Variants in MYLK observed in about 807,000 individuals in gnomAD.
MYLK encodes myosin light chain kinase.
MYLK carries 106 observed loss-of-function variants against 203.4 expected under a neutral mutation model. The observed-to-expected ratio is 0.52, with a 90% confidence interval of 0.45 to 0.61. MYLK has a LOEUF of 0.61. Among genes scored for constraint, MYLK ranks in the 20% least tolerant of loss-of-function variants. MYLK has a pLI of 0.00. For synonymous variants in MYLK, 867 were observed against 959.5 expected, an observed-to-expected ratio of 0.90 and a Z score of 1.78; for missense variants, 2,072 against 2,442.3, an observed-to-expected ratio of 0.85 and a Z score of 3.20.
At chr3:123,614,875 T>C (rs921703016) in intron 33 of MYLK, among the ~76,000 whole-genome samples, 1 of 151,908 alleles carries the variant, frequency 6.6e-6, no homozygotes, top group Non-Finnish European at 1.5e-5. Context: ...GGCATGAACA[T>C]GGCTCACTGC....
At chr3:123,810,863 T>A (rs1326990033) in intron 3 of MYLK, among the ~76,000 whole-genome samples, 1 of 152,226 alleles carries the variant, frequency 6.6e-6, no homozygotes, top group Non-Finnish European at 1.5e-5. Context: ...ACAACTGATT[T>A]TTGCCATCTG....
chr3:123,813,776 G>A (rs2065644795), intron 3 of MYLK, among the ~76,000 whole-genome samples: 1 of 152,160 alleles, frequency 6.6e-6, no homozygotes, highest in Non-Finnish European at 1.5e-5. Context: ...CTCCCAAAGT[G>A]CTGGGATTAC....
intron 19 of MYLK, among the ~76,000 whole-genome samples, chr3:123,686,198 C>A (rs59608322): frequency 1.3e-5 from 2 of 152,070 alleles, no homozygotes; most frequent in East Asian, 3.9e-4. Context: ...ATTTCTAGAT[C>A]TAGGCCCCCA....
chr3:123,698,583 G>A (rs946174395), intron 18 of MYLK, among the ~76,000 whole-genome samples: 1 of 152,194 alleles, frequency 6.6e-6, no homozygotes, highest in African/African-American at 2.4e-5. Context: ...CCTCAGGGGA[G>A]GGGGGCTGAG....
At chr3:123,738,238 ACCTAGAAC>A (rs898461523) in intron 7 of MYLK, among the ~76,000 whole-genome samples, 3 of 152,080 alleles carry the variant, frequency 2.0e-5, no homozygotes, top group Non-Finnish European at 4.4e-5. Context: ...GTGGCTTAAC[ACCTAGAAC>A]CCTAACTTCA....
intron 4 of MYLK, among the ~76,000 whole-genome samples, chr3:123,766,014 T>C (rs1027748631): frequency 1.3e-5 from 2 of 152,202 alleles, no homozygotes; most frequent in Admixed American, 6.5e-5. Flanking sequence ...TGTGCAACAA[T>C]GTGAATGTAC....
At position 123,648,510 on chromosome 3, in the gene MYLK, T is replaced by C. The variant is rs2059100184; in HGVS notation, c.4415+461A>G. 6.6e-6 allele frequency among the ~76,000 whole-genome samples: 1 copy of C among 152,214 alleles called. No individual in the cohort carries two copies. The highest frequency in any genetic ancestry group is 6.5e-5 in the Admixed American group (1 of 15,284). ...TATTGTTTTTAAGTTCCAGGGTACA[T>C]GTGCAGGATGTGTACGTTACGTAGG... On this transcript the variant is annotated intron_variant, in intron 26 of 33. Transcript: ENST00000360304. This position sits in a 1 kb window ranked among gnomAD's most constrained non-coding sequence, Gnocchi z 4.5.
chr3:123,752,658 C>T, intron 4 of MYLK, 120 bp from the exon 5 acceptor site: 9 of 1,001,156 alleles, frequency 9.0e-6, no homozygotes, highest in Non-Finnish European at 1.4e-5. Context: ...GCCCCCATTT[C>T]ATCCTCATTT....
chr3:123,753,555 T>G lies in MYLK; in HGVS notation c.166-1017A>C, dbSNP rs111540096. ...CAGTGGTGCAATCATCTGAGTTTCA[T>G]AGCAACCCAGTCAGAGAGAAGACAT... On this transcript the variant is annotated intron_variant, in intron 4 of 33. Transcript: ENST00000360304. 6.5e-3 allele frequency among the ~76,000 whole-genome samples: 990 copies of G among 151,268 alleles called. 15 individuals carry two copies. The highest frequency in any genetic ancestry group is 0.023 in the African/African-American group (946 of 41,192).
At chr3:123,822,068 C>T (rs1197981556) in intron 3 of MYLK, among the ~76,000 whole-genome samples, 1 of 152,168 alleles carries the variant, frequency 6.6e-6, no homozygotes, top group African/African-American at 2.4e-5. Flanking sequence ...CTCTCTTATT[C>T]TCTCTTGTCC....
intron 2 of MYLK, among the ~76,000 whole-genome samples, chr3:123,845,417 T>C (rs1249228243): frequency 6.6e-6 from 1 of 152,190 alleles, no homozygotes; most frequent in African/African-American, 2.4e-5. Flanking sequence ...CAGGAGTCCA[T>C]CCACCTCAGG....
chr3:123,698,915 G>T (rs889206662), intron 18 of MYLK: 2 of 152,090 alleles, frequency 1.3e-5, no homozygotes, highest in African/African-American at 4.8e-5. Context: ...TGCTGCCAGG[G>T]GCCAGGGAGG....
chr3:123,835,387 G>A (rs543829728), intron 2 of MYLK, among the ~76,000 whole-genome samples: 8 of 152,106 alleles, frequency 5.3e-5, no homozygotes, highest in Non-Finnish European at 1.0e-4. Context: ...CTCAGAGACG[G>A]AGGGGAATAT....
chr3:123,620,163 A>G (rs1416923240), intron 32 of MYLK, 44 bp downstream of exon 32: 1 of 1,553,978 alleles, frequency 6.4e-7, no homozygotes, highest in Non-Finnish European at 8.9e-7. Context: ...TTTGTTCCCC[A>G]GCCCTTTCTT....
At chr3:123,839,060 C>T (rs540686160) in intron 2 of MYLK, among the ~76,000 whole-genome samples, 1 of 152,218 alleles carries the variant, frequency 6.6e-6, no homozygotes, top group Admixed American at 6.5e-5. Context: ...TGCCACTGCA[C>T]TCCAGCCTGG....
chr3:123,747,217 G>A (rs1020416407), intron 5 of MYLK, among the ~76,000 whole-genome samples: 1 of 152,188 alleles, frequency 6.6e-6, no homozygotes, highest in Non-Finnish European at 1.5e-5. Context: ...AGCTGCCTTA[G>A]TGGTCACCAG....
intron 3 of MYLK, among the ~76,000 whole-genome samples, chr3:123,821,188 TGAAC>T (rs2065925131): frequency 6.6e-6 from 1 of 152,236 alleles, no homozygotes; most frequent in African/African-American, 2.4e-5. Context: ...ACAAAACTCT[TGAAC>T]TATCATGCTT....
chr3:123,695,043 G>A (rs1370922226), intron 18 of MYLK, among the ~76,000 whole-genome samples: 3 of 152,206 alleles, frequency 2.0e-5, no homozygotes, highest in Non-Finnish European at 2.9e-5. Context: ...TGGAGTAAGC[G>A]CTCCTGGGTC....
intron 2 of MYLK, among the ~76,000 whole-genome samples, chr3:123,835,461 G>T (rs1188116918): frequency 6.6e-6 from 1 of 152,208 alleles, no homozygotes; most frequent in Non-Finnish European, 1.5e-5. Context: ...AGACCCCAGG[G>T]ATGAGAAATA....
Sources: allele counts gnomAD v4.1 joint callset (sites outside exome capture counted in the v4.1 genomes callset), GRCh38; gene constraint gnomAD v4.1.1; non-coding constraint Gnocchi (gnomAD v3.1); transcripts MANE v1.5; gene names NCBI Gene and HGNC (gene_info 2026-07-23, HGNC 2026-07-21).